MAPK4: variants seen among roughly 807,000 people sequenced by gnomAD.
MAPK4 encodes the protein Erk3-related.
MAPK4 carries 22 observed loss-of-function variants against 47.7 expected under a neutral mutation model. The ratio of observed to expected loss-of-function variants is 0.46; its 90% confidence interval spans 0.33 to 0.66. The LOEUF is 0.66. Among genes scored for constraint, MAPK4 ranks in the 30% least tolerant of loss-of-function variants. MAPK4 has a pLI of 0.02. For synonymous variants in MAPK4, 390 were observed against 365.7 expected (o/e 1.07, Z -0.76); for missense variants, 736 against 831.7 (o/e 0.88, Z 1.42).
chr18:50,660,503 A>G (rs1239393607), intron 1 of MAPK4, among the ~76,000 whole-genome samples: 1 of 152,226 alleles, frequency 6.6e-6, no homozygotes, highest in African/African-American at 2.4e-5. Flanking sequence ...GATATTTTCT[A>G]TGCTCTACTT....
intron 2 of MAPK4, among the ~76,000 whole-genome samples, chr18:50,686,352 G>A (rs1006166654): frequency 1.3e-5 from 2 of 152,184 alleles, no homozygotes; most frequent in African/African-American, 4.8e-5. Context: ...GAACTCTTTG[G>A]AGAGATTTCC....
chr18:50,629,595 A>T (rs1450051266), intron 1 of MAPK4: 1 of 152,220 alleles, frequency 6.6e-6, no homozygotes, highest in Non-Finnish European at 1.5e-5. Context: ...CAAGACAGCG[A>T]CAGCAGAGCA....
chr18:50,641,453 C>T (rs543378717), intron 1 of MAPK4, among the ~76,000 whole-genome samples: 1 of 152,112 alleles, frequency 6.6e-6, no homozygotes, highest in African/African-American at 2.4e-5. Context: ...AAATAACACA[C>T]TCTGTTCTAT....
chr18:50,562,874 C>T (rs941764784), intron 1 of MAPK4, among the ~76,000 whole-genome samples: 5 of 152,100 alleles, frequency 3.3e-5, no homozygotes, highest in Non-Finnish European at 7.4e-5. Flanking sequence ...TGGAATTTGA[C>T]ATAAAAAATA....
intron 2 of MAPK4, among the ~76,000 whole-genome samples, chr18:50,688,608 C>A (rs780987243): frequency 2.0e-5 from 3 of 151,986 alleles, no homozygotes; most frequent in African/African-American, 4.8e-5. Flanking sequence ...GAACTGGAGA[C>A]TATTATTCTA....
In MAPK4 at chr18:50,726,185, G is replaced by T; in HGVS notation, c.1067+10G>T. On this transcript the variant is annotated intron_variant, in intron 5 of 5. Transcript: ENST00000400384. Reference sequence around the variant, plus strand: ...ACACGTGCAGTTCCAGGTGCTCGCAGCCCTGGGTTCCAGAGCCCACATTTC... The same window carrying T: ...ACACGTGCAGTTCCAGGTGCTCGCATCCCTGGGTTCCAGAGCCCACATTTC... 1 of 1,612,916 alleles carries T rather than the reference G, an allele frequency of 6.2e-7. No individual in the cohort carries two copies. Among genetic ancestry groups the T allele is most frequent in the Non-Finnish European group, 8.5e-7 (1 of 1,179,562 alleles).
At chr18:50,679,633 G>A (rs1335657719) in intron 2 of MAPK4, among the ~76,000 whole-genome samples, 1 of 150,748 alleles carries the variant, frequency 6.6e-6, no homozygotes, top group Non-Finnish European at 1.5e-5. Context: ...TCTGCCTCCG[G>A]GAACCTGGAA....
At chr18:50,647,931 T>C (rs2043005986) in intron 1 of MAPK4, among the ~76,000 whole-genome samples, 1 of 152,148 alleles carries the variant, frequency 6.6e-6, no homozygotes, top group Non-Finnish European at 1.5e-5. Flanking sequence ...CTTGCCACTC[T>C]CAAGTCCCTA....
intron 2 of MAPK4, among the ~76,000 whole-genome samples, chr18:50,676,700 C>G (rs1455103941): frequency 1.3e-5 from 2 of 152,116 alleles, no homozygotes; most frequent in East Asian, 3.9e-4. Flanking sequence ...ATATTGGAGG[C>G]TAGGGTGTGC....
At chr18:50,699,711 G>GTCA (rs1468987913) in intron 2 of MAPK4, among the ~76,000 whole-genome samples, 1 of 152,138 alleles carries the variant, frequency 6.6e-6, no homozygotes, top group East Asian at 1.9e-4. Context: ...GGGTCCCTAG[G>GTCA]TCACCTGCAC....
At chr18:50,589,481 A>C (rs2042416925) in intron 1 of MAPK4, among the ~76,000 whole-genome samples, 1 of 151,938 alleles carries the variant, frequency 6.6e-6, no homozygotes, top group African/African-American at 2.4e-5. Context: ...CTGTAGTCCC[A>C]GCTACTCGGG....
intron 1 of MAPK4, among the ~76,000 whole-genome samples, chr18:50,579,679 T>A (rs985395096): frequency 6.6e-6 from 1 of 152,152 alleles, no homozygotes; most frequent in Non-Finnish European, 1.5e-5. Context: ...CCCCTTCAAT[T>A]TGGGGGCTTA....
intron 2 of MAPK4, among the ~76,000 whole-genome samples, chr18:50,693,531 C>T (rs1166310971): frequency 6.6e-6 from 1 of 152,164 alleles, no homozygotes. Flanking sequence ...GTTTCTTCCG[C>T]CCTTCGACTT....
intron 1 of MAPK4, among the ~76,000 whole-genome samples, chr18:50,632,219 A>G (rs542209739): frequency 6.6e-6 from 1 of 152,302 alleles, no homozygotes; most frequent in South Asian, 2.1e-4. Context: ...TTTGCTGGCA[A>G]AAGCCACGTA....
chr18:50,625,927 C>CACACACACACACAT (rs1167419602), intron 1 of MAPK4, among the ~76,000 whole-genome samples: 67 of 93,432 alleles, frequency 7.2e-4, no homozygotes, highest in African/African-American at 2.3e-3. Flanking sequence ...CACACACACA[C>CACACACACACACAT]ATATATAATG....
intron 2 of MAPK4, among the ~76,000 whole-genome samples, chr18:50,704,304 G>C (rs532784045): frequency 3.3e-5 from 5 of 152,170 alleles, no homozygotes; most frequent in Non-Finnish European, 7.3e-5. Flanking sequence ...GAGCTCAGGA[G>C]TTCGAGACCA....
intron 2 of MAPK4, among the ~76,000 whole-genome samples, chr18:50,685,796 GC>G (rs1908849904): frequency 6.6e-6 from 1 of 152,064 alleles, no homozygotes; most frequent in Non-Finnish European, 1.5e-5. Flanking sequence ...ATGTTGTAAA[GC>G]CTGCCATCTT....
chr18:50,630,747 C>CTGTGTTT (rs1423516152), intron 1 of MAPK4, among the ~76,000 whole-genome samples: 10 of 152,340 alleles, frequency 6.6e-5, no homozygotes, highest in Middle Eastern at 3.4e-3. Flanking sequence ...CAGCCCTCCG[C>CTGTGTTT]AGTCTGACCA....
intron 1 of MAPK4, among the ~76,000 whole-genome samples, chr18:50,561,172 T>A (rs1290195312): frequency 6.6e-6 from 1 of 152,216 alleles, no homozygotes; most frequent in Non-Finnish European, 1.5e-5. Context: ...AGCGGCCGCG[T>A]ACTGTCACGC....
Sources: gnomAD v4.1 joint callset for allele counts (sites outside exome capture counted in the v4.1 genomes callset) on GRCh38, gnomAD v4.1.1 for gene constraint, MANE v1.5 for transcripts, NCBI Gene and HGNC (gene_info 2026-07-23, HGNC 2026-07-21) for gene names.